RAMP3: variants seen among roughly 807,000 people sequenced by gnomAD.
The protein encoded by RAMP3 is receptor activity modifying protein 3.
In RAMP3, 14 loss-of-function variants were observed where a neutral mutation model predicts 13.5. That is an observed-to-expected ratio of 1.04 (90% CI 0.69 to 1.63). RAMP3 has a LOEUF of 1.63. RAMP3 is among the 40% of genes most tolerant of loss of function. The probability of loss-of-function intolerance (pLI) is 0.00; values close to 1 mark genes in which losing one functional copy is unlikely to be tolerated. For synonymous variants in RAMP3, 106 were observed against 88.3 expected (o/e 1.20, Z -1.12); for missense variants, 200 against 204.8 (o/e 0.98, Z 0.14).
chr7:45,175,619 C>T (rs1199417756), intron 1 of RAMP3, among the ~76,000 whole-genome samples: 2 of 152,184 alleles, frequency 1.3e-5, no homozygotes, highest in South Asian at 4.1e-4. Context: ...CGACCCTGAA[C>T]AGCTGGCAAG....
chr7:45,165,588 TA>T (rs1270816849), intron 1 of RAMP3, among the ~76,000 whole-genome samples: 3 of 152,242 alleles, frequency 2.0e-5, no homozygotes, highest in Non-Finnish European at 4.4e-5. Flanking sequence ...TATACATCAA[TA>T]TTTTTTAGTA....
At chr7:45,160,591 G>T (rs945781085) in intron 1 of RAMP3, among the ~76,000 whole-genome samples, 2 of 151,984 alleles carry the variant, frequency 1.3e-5, no homozygotes, top group African/African-American at 4.8e-5. Flanking sequence ...GCAGCCACTT[G>T]CCAGTCTCGT....
rs1342678651 is a variant in RAMP3 at position 45,184,158 on chromosome 7, T to G, written c.*746T>G. On this transcript the variant is annotated 3_prime_UTR_variant, in exon 3 of 3. Coordinates refer to ENST00000242249, the MANE Select transcript of RAMP3 (RefSeq NM_005856.3). ...CTTCCTACAGGGGCTCCTCTGTGGG[T>G]GAGGGGCCCTCTGGAATGGCATCCC... 7 of 398,606 alleles carry G rather than the reference T, an allele frequency of 1.8e-5. No homozygotes were observed. The East Asian group carries it at 1.8e-4, about 10-fold the overall frequency. 24.7% of individuals were successfully genotyped at this position (398,606 alleles called of 1,614,324 possible).
chr7:45,163,590 G>A, intron 1 of RAMP3: 2 of 985,434 alleles, frequency 2.0e-6, no homozygotes, highest in Non-Finnish European at 1.2e-6. Context: ...AGCAGTGGTG[G>A]GAATAGGAAG....
Position 45,184,200 on chromosome 7 carries a change from T to C in RAMP3, c.*788T>C, listed in dbSNP as rs1786382376. 3 of 398,600 alleles carry C rather than the reference T, an allele frequency of 7.5e-6. No individual in the cohort carries two copies. The highest frequency in any genetic ancestry group is 1.3e-5 in the Non-Finnish European group (3 of 226,168). 24.7% of individuals were successfully genotyped at this position (398,600 alleles called of 1,614,324 possible). ...TGGCATCCCATGAGCTTGTGGCCTC[T>C]ATCTGCTACCATCTGTGTTTTATCT... is the stretch of plus-strand genomic sequence containing the variant. On this transcript the variant is annotated 3_prime_UTR_variant, in exon 3 of 3. Transcript: ENST00000242249.
At chr7:45,158,015 A>C in intron 1 of RAMP3, 129 bp downstream of exon 1, 1 of 922,786 alleles carries the variant, frequency 1.1e-6, no homozygotes, top group Non-Finnish European at 1.5e-6. Context: ...AGGGGCGCAC[A>C]GTGACCCTGG....
chr7:45,177,199 C>T (rs1786204687), intron 1 of RAMP3, 110 bp from the exon 2 acceptor site: 8 of 1,433,014 alleles, frequency 5.6e-6, no homozygotes, highest in Non-Finnish European at 6.7e-6. Context: ...CTCAGGCTTG[C>T]AAACGGAGCC....
At chr7:45,171,774 A>G (rs1786088808) in intron 1 of RAMP3, among the ~76,000 whole-genome samples, 1 of 151,986 alleles carries the variant, frequency 6.6e-6, no homozygotes, top group South Asian at 2.1e-4. Context: ...GCCTGCCTCC[A>G]TTGTTTTTGA....
In RAMP3 at chr7:45,160,603, G is replaced by A. The variant is rs117936931; in HGVS notation, c.58+2717G>A. 4.6e-4 allele frequency among the ~76,000 whole-genome samples: 70 copies of A among 152,110 alleles called. No homozygotes were observed. The East Asian group carries it at 0.01, about 23-fold the overall frequency. On this transcript the variant is annotated intron_variant, in intron 1 of 2. Coordinates refer to ENST00000242249, the MANE Select transcript of RAMP3 (RefSeq NM_005856.3). ...ATGGCAGCCACTTGCCAGTCTCGTC[G>A]ATGCTCTTTCTGTCAAGGAGGGGGA...
Position 45,163,957 on chromosome 7 carries a change from G to T in RAMP3, c.58+6071G>T, listed in dbSNP as rs185225924. 5.4e-3 allele frequency: 4,943 copies of T among 917,606 alleles called. 14 individuals are homozygous for T. Among genetic ancestry groups the T allele is most frequent in the Non-Finnish European group, 6.0e-3 (4,639 of 768,356 alleles). The allele number at this position is 917,606 out of a possible 1,614,324, so 56.8% of individuals were successfully genotyped here. A position where few individuals can be genotyped will look rare whatever the true frequency, so the allele number is the denominator to read the frequency against. On this transcript the variant is annotated intron_variant, in intron 1 of 2. Coordinates refer to ENST00000242249, the MANE Select transcript of RAMP3 (RefSeq NM_005856.3). ...GTGAAGGTTCAGAGGGCCTATTTGG[G>T]TTAAGTGGGAGAGTACTGTGGCTGA...
chr7:45,162,328 G>A (rs1785881492), intron 1 of RAMP3, among the ~76,000 whole-genome samples: 2 of 152,222 alleles, frequency 1.3e-5, no homozygotes, highest in African/African-American at 4.8e-5. Context: ...CATGGAGCTT[G>A]GAAGTGCCCA....
chr7:45,168,433 C>A (rs11973319), intron 1 of RAMP3, among the ~76,000 whole-genome samples: 35,304 of 129,782 alleles, frequency 0.27, 5,529 homozygotes, highest in African/African-American at 0.45. Context: ...AAAAAAAATT[C>A]TTTCAACAGT....
intron 1 of RAMP3, among the ~76,000 whole-genome samples, chr7:45,162,662 A>G (rs1785886874): frequency 1.3e-5 from 2 of 152,162 alleles, no homozygotes; most frequent in South Asian, 4.1e-4. Context: ...GTTGGGCCAC[A>G]CTTAGAACAG....
intron 1 of RAMP3, among the ~76,000 whole-genome samples, chr7:45,172,575 A>G (rs1312853257): frequency 6.6e-6 from 1 of 152,158 alleles, no homozygotes. Flanking sequence ...TCTTTGGTTC[A>G]AGCGATTCTC....
chr7:45,169,680 T>C (rs1786042100), intron 1 of RAMP3, among the ~76,000 whole-genome samples: 1 of 152,218 alleles, frequency 6.6e-6, no homozygotes, highest in African/African-American at 2.4e-5. Context: ...TCTGCCTCCA[T>C]CTTCACACTG....
intron 1 of RAMP3, among the ~76,000 whole-genome samples, chr7:45,169,223 T>C (rs771423277): frequency 2.6e-4 from 39 of 152,196 alleles, no homozygotes; most frequent in Non-Finnish European, 4.9e-4. Flanking sequence ...TATTGGCCTA[T>C]AGATTTCTTT....
At chr7:45,157,938 C>T (rs1317421132) in intron 1 of RAMP3, 52 bp downstream of exon 1, 22 of 1,321,240 alleles carry the variant, frequency 1.7e-5, no homozygotes, top group Non-Finnish European at 1.9e-5. Flanking sequence ...CGGGGTTCAC[C>T]GGACCCGGGT....
chr7:45,158,567 AAGAG>A (rs71030853), intron 1 of RAMP3, among the ~76,000 whole-genome samples: 7 of 150,610 alleles, frequency 4.6e-5, no homozygotes, highest in African/African-American at 9.7e-5. Context: ...AAGAAAAAGT[AAGAG>A]AGAGAGAGAG....
chr7:45,168,035 T>C (rs1295622459), intron 1 of RAMP3, among the ~76,000 whole-genome samples: 1 of 152,236 alleles, frequency 6.6e-6, no homozygotes, highest in East Asian at 1.9e-4. Context: ...TAGGTAGTAC[T>C]GACATCTTAA....
Sources: gnomAD v4.1 joint callset for allele counts (sites outside exome capture counted in the v4.1 genomes callset) on GRCh38, gnomAD v4.1.1 for gene constraint, MANE v1.5 for transcripts, NCBI Gene and HGNC (gene_info 2026-07-23, HGNC 2026-07-21) for gene names.